LAMC1: variants seen among roughly 807,000 people sequenced by gnomAD.
The protein encoded by LAMC1 is laminin subunit gamma-1.
In LAMC1, 38 loss-of-function variants were observed where a neutral mutation model predicts 173.6. The observed-to-expected ratio is 0.22, with a 90% CI of 0.17 to 0.29. The LOEUF is 0.29. LAMC1 is among the 10% of genes least tolerant of loss of function. The probability of loss-of-function intolerance (pLI) is 1.00; values close to 1 mark genes in which losing one functional copy is unlikely to be tolerated. For synonymous variants in LAMC1, 746 were observed against 749.1 expected (o/e 1.00, Z 0.07); for missense variants, 1,824 against 2,051.8 (o/e 0.89, Z 2.14).
At chr1:183,038,358 T>G (rs1201759339) in intron 1 of LAMC1, among the ~76,000 whole-genome samples, 7 of 152,184 alleles carry the variant, frequency 4.6e-5, no homozygotes, top group Non-Finnish European at 2.9e-5. Flanking sequence ...CTTGCTCAGT[T>G]TCCTTTCTTA....
intron 1 of LAMC1, among the ~76,000 whole-genome samples, chr1:183,064,658 C>T (rs1654822546): frequency 6.6e-6 from 1 of 152,076 alleles, no homozygotes; most frequent in Admixed American, 6.6e-5. Flanking sequence ...GTAAGGGGCA[C>T]CTCCTGTTAC....
chr1:183,120,107 C>G (rs981543010), intron 11 of LAMC1, among the ~76,000 whole-genome samples: 8 of 142,194 alleles, frequency 5.6e-5, no homozygotes, highest in African/African-American at 2.1e-4. Context: ...AGGTCAAGCT[C>G]GCAGTGAGCT....
chr1:183,142,904 A>G lies in LAMC1; in HGVS notation c.*114A>G. 8.8e-7 allele frequency: 1 copy of G among 1,138,210 alleles called. No individual in the cohort carries two copies. Among genetic ancestry groups the G allele is most frequent in the Non-Finnish European group, 1.2e-6 (1 of 802,266 alleles). 70.5% of individuals were successfully genotyped at this position (1,138,210 alleles called of 1,614,324 possible). ...GACCCCCACTCCTCTGCTGCTGTCC[A>G]TGACTGTCCTTTTGAACCAGGAAAA... On this transcript the variant is annotated 3_prime_UTR_variant, in exon 28 of 28. Transcript: ENST00000258341.
intron 1 of LAMC1, among the ~76,000 whole-genome samples, chr1:183,080,971 C>T (rs980737661): frequency 2.8e-4 from 42 of 152,072 alleles, no homozygotes; most frequent in African/African-American, 9.9e-4. Context: ...TCACTGCAAC[C>T]CCCATCTTCT....
chr1:183,125,606 T>A (rs1271265335), intron 15 of LAMC1, 56 bp downstream of exon 15: 19 of 1,331,526 alleles, frequency 1.4e-5, no homozygotes, highest in Non-Finnish European at 1.6e-5. Flanking sequence ...TTATAAAAAA[T>A]GAATTTTTAT....
intron 1 of LAMC1, 79 bp downstream of exon 1, chr1:183,024,213 C>T (rs1205815721): frequency 2.1e-6 from 3 of 1,399,290 alleles, no homozygotes; most frequent in Non-Finnish European, 2.9e-6. Flanking sequence ...CAGTGGCCGG[C>T]CTCACGGGCG....
intron 2 of LAMC1, among the ~76,000 whole-genome samples, chr1:183,104,094 ATCT>A (rs986808077): frequency 6.6e-6 from 1 of 152,234 alleles, no homozygotes; most frequent in Non-Finnish European, 1.5e-5. Flanking sequence ...TAAGAATGCC[ATCT>A]TCTTTCATTT....
At chr1:183,035,644 C>G (rs1007210796) in intron 1 of LAMC1, among the ~76,000 whole-genome samples, 1 of 152,144 alleles carries the variant, frequency 6.6e-6, no homozygotes, top group African/African-American at 2.4e-5. Context: ...AAAATATGCT[C>G]TACCTGTGAA....
chr1:183,032,841 C>T (rs1020760531), intron 1 of LAMC1, among the ~76,000 whole-genome samples: 4 of 152,114 alleles, frequency 2.6e-5, no homozygotes, highest in African/African-American at 9.7e-5. Context: ...ATACAGGTAC[C>T]TGTCTGTTTT....
At chr1:183,110,711 G>A in intron 4 of LAMC1, 57 bp downstream of exon 4, 7 of 1,540,420 alleles carry the variant, frequency 4.5e-6, no homozygotes, top group Non-Finnish European at 5.3e-6. Context: ...AAGGGTGGAA[G>A]AAGGAATGGG....
chr1:183,044,294 C>T (rs1486952696), intron 1 of LAMC1, among the ~76,000 whole-genome samples: 2 of 152,060 alleles, frequency 1.3e-5, no homozygotes, highest in African/African-American at 2.4e-5. Context: ...AGAAAAATGC[C>T]TTCTCTATAA....
chr1:183,024,304 G>C lies in LAMC1; in HGVS notation c.418+170G>C, dbSNP rs578060819. Among the ~76,000 whole-genome samples the C allele has an allele frequency of 1.6e-4, 24 of 152,306 alleles. 1 individual carries two copies. In the South Asian group the frequency reaches 3.1e-3, roughly 20 times the overall value. ...TTCTCCAACTTCTTAAATAGATACTGCTTTTAACATCCCGTGAGGGCCAGG... is the reference window on the plus strand; with the variant it reads ...TTCTCCAACTTCTTAAATAGATACTCCTTTTAACATCCCGTGAGGGCCAGG... On this transcript the variant is annotated intron_variant, in intron 1 of 27. Coordinates refer to ENST00000258341, the MANE Select transcript of LAMC1 (RefSeq NM_002293.4).
rs939661184 is a variant in LAMC1 at position 183,100,733 on chromosome 1, A to G, written c.419-2595A>G. 2.6e-5 allele frequency among the ~76,000 whole-genome samples: 4 copies of G among 152,142 alleles called. No individual in the cohort carries two copies. The East Asian group carries it at 7.7e-4, about 29-fold the overall frequency. On this transcript the variant is annotated intron_variant, in intron 1 of 27. Transcript: ENST00000258341. Reference sequence around the variant, plus strand: ...TGAGTTGTAAATTGCAGTTGTCTGTATGCGCCGTTGGGTTGACTGCAACTC... The same window carrying G: ...TGAGTTGTAAATTGCAGTTGTCTGTGTGCGCCGTTGGGTTGACTGCAACTC...
chr1:183,124,722 T>G lies in LAMC1; in HGVS notation c.2493T>G (p.Ser831Arg), dbSNP rs1468188669. Reference sequence around the variant, plus strand: ...GACTTTGCCGCCTGTGCCAGTGCAGTGACAACATCGATCCCAATGCAGTTG... The same window carrying G: ...GACTTTGCCGCCTGTGCCAGTGCAGGGACAACATCGATCCCAATGCAGTTG... ...PVRLCRLCQC[S>R]DNIDPNAVGN... is the part of the protein sequence containing the mutation. Residue 831 changes from serine (S) to arginine (R), a missense_variant, in exon 14 of 28, where the codon AGT becomes AGG. By Grantham distance (110) the Ser-to-Arg change is moderately radical (BLOSUM62 -1). Transcript: ENST00000258341. 1 of 1,614,204 alleles carries G rather than the reference T, an allele frequency of 6.2e-7. No individual in the cohort carries two copies. Among genetic ancestry groups the G allele is most frequent in the Non-Finnish European group, 8.5e-7 (1 of 1,180,042 alleles).
intron 18 of LAMC1, 189 bp downstream of exon 18, chr1:183,128,939 C>CAGTAA: frequency 2.7e-6 from 1 of 367,290 alleles, no homozygotes; most frequent in Non-Finnish European, 4.8e-6. Flanking sequence ...CTTTAAGCTA[C>CAGTAA]AGTAAGCATA....
At position 183,118,059 on chromosome 1, in the gene LAMC1, T is replaced by TGGA; in HGVS notation, c.1906_1908dup (p.Arg636dup). The TGGA allele has an allele frequency of 2.5e-6, 4 of 1,613,280 alleles. No individual in the cohort carries two copies. Among genetic ancestry groups the TGGA allele is most frequent in the Non-Finnish European group, 3.4e-6 (4 of 1,179,234 alleles). On this transcript the variant is annotated inframe_insertion, in exon 11 of 28. Coordinates refer to ENST00000258341, the MANE Select transcript of LAMC1 (RefSeq NM_002293.4). ...GCTCCATGAAGCAACAGATTACCCT[T>TGGA]GGAGGCCTGCTCTTACCCCTTTTGA...
intron 4 of LAMC1, 140 bp from the exon 5 acceptor site, chr1:183,114,391 C>T: frequency 4.7e-6 from 4 of 852,666 alleles, no homozygotes; most frequent in Non-Finnish European, 7.8e-6. Context: ...TGTTAATGAA[C>T]AGTGCATCTG....
At position 183,116,889 on chromosome 1, in the gene LAMC1, C is replaced by T; in HGVS notation, c.1550C>T (p.Ser517Phe). The T allele has an allele frequency of 1.2e-6, 2 of 1,613,858 alleles. No homozygotes were observed. Among genetic ancestry groups the T allele is most frequent in the Non-Finnish European group, 1.7e-6 (2 of 1,179,852 alleles). ...GGCTACAGTGTTTATTCTATCTCCT[C>T]TACCTTTCAGATTGGTAATTTAGAC... ...AVGYSVYSIS[S>F]TFQIDEDGWR... Residue 517 changes from serine (S) to phenylalanine (F), a missense_variant, in exon 8 of 28, where the codon TCT becomes TTT. By Grantham distance (155) the Ser-to-Phe change is radical. Coordinates refer to ENST00000258341, the MANE Select transcript of LAMC1 (RefSeq NM_002293.4).
At chr1:183,045,560 A>G (rs551828229) in intron 1 of LAMC1, among the ~76,000 whole-genome samples, 5 of 152,168 alleles carry the variant, frequency 3.3e-5, no homozygotes, top group African/African-American at 1.2e-4. Context: ...AGATTATACT[A>G]CACCTAAGCT....
Sources: gnomAD v4.1 joint callset for allele counts (sites outside exome capture counted in the v4.1 genomes callset) on GRCh38, gnomAD v4.1.1 for gene constraint, MANE v1.5 for transcripts, NCBI Gene and HGNC (gene_info 2026-07-23, HGNC 2026-07-21) for gene names.